The following SPATA16 variants were observed in gnomAD, a reference collection of about 807,000 sequenced individuals.
The protein encoded by SPATA16 is spermatogenesis associated 16, also known as spermatogenesis-associated protein 16.
Under a neutral mutation model 63.3 loss-of-function variants are expected in SPATA16, and 36 were observed. The observed-to-expected ratio is 0.57, with a 90% CI of 0.44 to 0.75. SPATA16 has a LOEUF of 0.75. SPATA16 is among the 30% of genes least tolerant of loss of function. The pLI is 0.00. For synonymous variants in SPATA16, 203 were observed against 216.7 expected, an observed-to-expected ratio of 0.94 and a Z score of 0.56; for missense variants, 646 against 679.3, an observed-to-expected ratio of 0.95 and a Z score of 0.54.
Position 173,046,456 on chromosome 3 carries a change from A to G in SPATA16, c.758+2493T>C, listed in dbSNP as rs145319019. On this transcript the variant is annotated intron_variant, in intron 3 of 10. Coordinates refer to ENST00000351008, the MANE Select transcript of SPATA16 (RefSeq NM_031955.6). ...AGTTATGGTCCTTGTAGTCTTCTCT[A>G]TGACAAAACAATAGAAGCAAAACTA... Among the ~76,000 whole-genome samples, 377 of 152,142 alleles carry G rather than the reference A, an allele frequency of 2.5e-3. 9 individuals carry two copies. In the East Asian group the frequency reaches 0.057, roughly 23 times the overall value.
chr3:173,127,271 G>A (rs1161179773), intron 1 of SPATA16, among the ~76,000 whole-genome samples: 1 of 152,078 alleles, frequency 6.6e-6, no homozygotes, highest in Non-Finnish European at 1.5e-5. Context: ...TATACATCAA[G>A]CCTCATTACC....
At chr3:173,112,793 G>T (rs1737782489) in intron 2 of SPATA16, among the ~76,000 whole-genome samples, 1 of 152,202 alleles carries the variant, frequency 6.6e-6, no homozygotes, top group African/African-American at 2.4e-5. Context: ...AGTTCTGGTT[G>T]GTAATGGATG....
chr3:172,962,614 T>A (rs73882553), intron 5 of SPATA16, among the ~76,000 whole-genome samples: 6,239 of 152,226 alleles, frequency 0.041, 433 homozygotes, highest in African/African-American at 0.14. Context: ...GTGTGATAAA[T>A]GCTTTTATAT....
chr3:173,020,826 C>T (rs1376083367), intron 3 of SPATA16, among the ~76,000 whole-genome samples: 1 of 152,146 alleles, frequency 6.6e-6, no homozygotes, highest in African/African-American at 2.4e-5. Context: ...AGAACCAACG[C>T]ATGATTATTA....
At chr3:172,969,794 C>T (rs12639372) in intron 5 of SPATA16, among the ~76,000 whole-genome samples, 14,806 of 152,182 alleles carry the variant, frequency 0.097, 845 homozygotes, top group East Asian at 0.15. Flanking sequence ...TGGGCTTGAT[C>T]GTGTGGCTTG....
intron 2 of SPATA16, among the ~76,000 whole-genome samples, chr3:173,055,331 T>A (rs1380671597): frequency 1.3e-5 from 2 of 152,214 alleles, no homozygotes. Flanking sequence ...TACAAGAATG[T>A]TCATAGCAAC....
At chr3:173,006,773 T>C (rs1734954796) in intron 4 of SPATA16, among the ~76,000 whole-genome samples, 1 of 152,198 alleles carries the variant, frequency 6.6e-6, no homozygotes, top group Non-Finnish European at 1.5e-5. Flanking sequence ...TATTTTTGGA[T>C]CACTCTTTTC....
intron 3 of SPATA16, among the ~76,000 whole-genome samples, chr3:173,024,669 T>C (rs1353111452): frequency 2.0e-5 from 3 of 150,884 alleles, no homozygotes; most frequent in Non-Finnish European, 3.0e-5. Flanking sequence ...ATGATTTTTA[T>C]GAAATCGTAT....
chr3:172,963,590 TTTAGGG>T (rs2108241261), intron 5 of SPATA16, among the ~76,000 whole-genome samples: 1 of 152,190 alleles, frequency 6.6e-6, no homozygotes, highest in East Asian at 1.9e-4. Context: ...ATTCAGTATG[TTTAGGG>T]TTAGAGTTTT....
chr3:173,038,142 C>T (rs939165520), intron 3 of SPATA16, among the ~76,000 whole-genome samples: 1 of 151,980 alleles, frequency 6.6e-6, no homozygotes, highest in African/African-American at 2.4e-5. Context: ...AAATATCAGG[C>T]ATAGGCTGGC....
chr3:172,958,718 C>G (rs1733664871), intron 5 of SPATA16, among the ~76,000 whole-genome samples: 1 of 152,118 alleles, frequency 6.6e-6, no homozygotes, highest in South Asian at 2.1e-4. Flanking sequence ...GAGGGTCTCT[C>G]TACTTGGCTT....
intron 2 of SPATA16, among the ~76,000 whole-genome samples, chr3:173,078,352 A>G (rs924353469): frequency 6.6e-6 from 1 of 152,126 alleles, no homozygotes; most frequent in Non-Finnish European, 1.5e-5. Context: ...ACATCTCTCT[A>G]TAGGAATCTG....
intron 2 of SPATA16, among the ~76,000 whole-genome samples, chr3:173,083,780 G>A (rs770400400): frequency 6.6e-6 from 1 of 152,078 alleles, no homozygotes; most frequent in Admixed American, 6.6e-5. Context: ...GAGAATAATG[G>A]CTTCCAGCTC....
chr3:172,931,013 G>C (rs1732859000), intron 6 of SPATA16, among the ~76,000 whole-genome samples: 1 of 151,274 alleles, frequency 6.6e-6, no homozygotes, highest in Non-Finnish European at 1.5e-5. Context: ...TAGTAGAGAT[G>C]GGGTTTCGCC....
intron 1 of SPATA16, among the ~76,000 whole-genome samples, chr3:173,122,598 C>A (rs1738108054): frequency 6.6e-6 from 1 of 152,070 alleles, no homozygotes; most frequent in African/African-American, 2.4e-5. Flanking sequence ...GTTAGTCTAC[C>A]AGTTCTTTTA....
At chr3:172,935,647 T>C (rs1732972078) in intron 6 of SPATA16, among the ~76,000 whole-genome samples, 1 of 152,230 alleles carries the variant, frequency 6.6e-6, no homozygotes, top group Non-Finnish European at 1.5e-5. Context: ...CACAGTCAAT[T>C]ATAATACAGC....
chr3:172,969,987 G>A (rs1336595026), intron 5 of SPATA16, among the ~76,000 whole-genome samples: 1 of 152,134 alleles, frequency 6.6e-6, no homozygotes, highest in Admixed American at 6.5e-5. Context: ...CAGCTTGGAG[G>A]TAAGCCAAGC....
chr3:173,042,117 C>T (rs139746900), intron 3 of SPATA16, among the ~76,000 whole-genome samples: 3 of 152,144 alleles, frequency 2.0e-5, no homozygotes, highest in East Asian at 1.9e-4. Flanking sequence ...TAATTATCCA[C>T]GAAACTGTGA....
Position 173,019,238 on chromosome 3 carries a change from T to C in SPATA16, c.848+248A>G, listed in dbSNP as rs544216470. Among the ~76,000 whole-genome samples the C allele has an allele frequency of 3.9e-5, 6 of 152,198 alleles. No individual in the cohort carries two copies. The East Asian group carries it at 1.2e-3, about 29-fold the overall frequency. ...GCGCATTTCTATTACTTTATGCAAG[T>C]TTTTCCATCATCATCAGTGACCTCA... On this transcript the variant is annotated intron_variant, in intron 4 of 10. Transcript: ENST00000351008.
Sources: allele counts gnomAD v4.1 joint callset (sites outside exome capture counted in the v4.1 genomes callset), GRCh38; gene constraint gnomAD v4.1.1; transcripts MANE v1.5; gene names NCBI Gene and HGNC (gene_info 2026-07-23, HGNC 2026-07-21).